Variants in RSRP1 observed in about 807,000 individuals in gnomAD.
The protein encoded by RSRP1 is arginine and serine rich protein 1.
In RSRP1, 37 loss-of-function variants were observed where a neutral mutation model predicts 33.0. The ratio of observed to expected loss-of-function variants is 1.12; its 90% confidence interval spans 0.86 to 1.48. The LOEUF (loss-of-function observed/expected upper bound fraction) is 1.48. Among genes scored for constraint, RSRP1 ranks in the 40% most tolerant of loss-of-function variants. RSRP1 has a pLI of 0.00. For synonymous variants in RSRP1, 167 were observed against 158.7 expected, an observed-to-expected ratio of 1.05 and a Z score of -0.40; for missense variants, 402 against 385.3, an observed-to-expected ratio of 1.04 and a Z score of -0.36.
At chr1:25,337,786 A>G (rs1249405488) in intron 1 of RSRP1, 1 of 151,592 alleles carries the variant, frequency 6.6e-6, no homozygotes, top group Non-Finnish European at 1.5e-5. Context: ...AAGTCCCATA[A>G]GTGGGTCACC....
Position 25,315,787 on chromosome 1 carries a change from C to T in RSRP1, c.-67+22191G>A, listed in dbSNP as rs1232018448. On this transcript the variant is annotated intron_variant, in intron 1 of 1. Coordinates refer to the RSRP1 transcript ENST00000561867. ...TGGGGATTACAGGTGTGAGCCACCA[C>T]ACCCGGCCTTAATTTATTTTTCTAG... Among the ~76,000 whole-genome samples the T allele has an allele frequency of 5.3e-5, 7 of 131,070 alleles. 1 individual carries two copies. The highest frequency in any genetic ancestry group is 1.8e-4 in the African/African-American group (7 of 37,992). 86.0% of individuals were successfully genotyped at this position (131,070 alleles called of 152,430 possible).
chr1:25,320,283 T>C lies in RSRP1; in HGVS notation c.-67+17695A>G, dbSNP rs1225986142. 3.0e-5 allele frequency among the ~76,000 whole-genome samples: 4 copies of C among 131,990 alleles called. 1 individual carries two copies. The highest frequency in any genetic ancestry group is 7.7e-5 in the African/African-American group (3 of 38,770). The allele number at this position is 131,990 out of a possible 152,430, so 86.6% of individuals were successfully genotyped here. A position where few individuals can be genotyped will look rare whatever the true frequency, so the allele number is the denominator to read the frequency against. On this transcript the variant is annotated intron_variant, in intron 1 of 1. Coordinates refer to the RSRP1 transcript ENST00000561867. ...CAACAACCCTCCACAGCTACACACCTTTTCCACGTTATATGGCACGTTATA... is the reference window on the plus strand; with the variant it reads ...CAACAACCCTCCACAGCTACACACCCTTTCCACGTTATATGGCACGTTATA...
chr1:25,271,301 T>A lies in RSRP1; in HGVS notation c.-66-24272A>T, dbSNP rs1295261847. 1.5e-5 allele frequency among the ~76,000 whole-genome samples: 2 copies of A among 130,700 alleles called. 1 individual carries two copies. The highest frequency in any genetic ancestry group is 4.7e-4 in the South Asian group (2 of 4,294). The allele number at this position is 130,700 out of a possible 152,430, so 85.7% of individuals were successfully genotyped here. On this transcript the variant is annotated intron_variant, in intron 1 of 1. Coordinates refer to the RSRP1 transcript ENST00000561867. ...ATTCGACTGGGTGATTAAAATCTCCTCTGATCTACATAGGAATTGTTTTCA... is the reference window on the plus strand; with the variant it reads ...ATTCGACTGGGTGATTAAAATCTCCACTGATCTACATAGGAATTGTTTTCA...
exon 1 of RSRP1, chr1:25,338,081 G>A (rs996299877): frequency 6.6e-6 from 1 of 152,256 alleles, no homozygotes; most frequent in Admixed American, 6.5e-5. Flanking sequence ...CACTCAAGAC[G>A]GGTACGAAGG....
At position 25,246,542 on chromosome 1, in the gene RSRP1, C is replaced by A. The variant is rs1362914639; in HGVS notation, c.422G>T (p.Gly141Val). 6.2e-7 allele frequency: 1 copy of A among 1,614,146 alleles called. No homozygotes were observed. The highest frequency in any genetic ancestry group is 8.5e-7 in the Non-Finnish European group (1 of 1,180,056). ...CTCCGGGTACACTGTGCGACCAAAG[C>A]CGTAGTAGCGCTGTCCCCGCGCGAT... ...YAIARGQRYYGFGRTVYPEEH... is the reference protein window; with the variant it reads ...YAIARGQRYYVFGRTVYPEEH... Residue 141 changes from glycine (G) to valine (V), a missense_variant, in exon 2 of 5, where the codon GGC becomes GTC. Transcript: ENST00000243189.
chr1:25,270,388 G>A lies in RSRP1; in HGVS notation c.-66-23359C>T, dbSNP rs377342236. On this transcript the variant is annotated intron_variant, in intron 1 of 1. Coordinates refer to the RSRP1 transcript ENST00000561867. The stretch of plus-strand genomic sequence containing the variant: ...GAGGGATAGGCCAGCGAGCACTACC[G>A]CCTGAGCTCCGCCTCCTGTCAGATC... 1.1e-3 allele frequency among the ~76,000 whole-genome samples: 138 copies of A among 130,830 alleles called. 16 individuals carry two copies. The highest frequency in any genetic ancestry group is 3.6e-3 in the African/African-American group (137 of 37,826). 85.8% of individuals were successfully genotyped at this position (130,830 alleles called of 152,430 possible).
intron 1 of RSRP1, among the ~76,000 whole-genome samples, chr1:25,279,803 A>G (rs920652292): frequency 7.7e-6 from 1 of 130,264 alleles, no homozygotes; most frequent in South Asian, 2.3e-4. Context: ...TTTCCGTAGA[A>G]TGTACAATTC....
At chr1:25,243,098 CA>C (rs796504072) in intron 4 of RSRP1, among the ~76,000 whole-genome samples, 11 of 143,672 alleles carry the variant, frequency 7.7e-5, no homozygotes, top group Non-Finnish European at 9.2e-5. Flanking sequence ...TGTCTCAAAA[CA>C]AAAAAAAAAG....
upstream of RSRP1, among the ~76,000 whole-genome samples, chr1:25,249,988 C>G (rs1416431116): frequency 6.6e-6 from 1 of 152,152 alleles, no homozygotes; most frequent in African/African-American, 2.4e-5. Context: ...TTGTGGAGTC[C>G]TTTATTAGCC....
At position 25,317,964 on chromosome 1, in the gene RSRP1, C is replaced by T. The variant is rs1447141881; in HGVS notation, c.-67+20014G>A. On this transcript the variant is annotated intron_variant, in intron 1 of 1. Transcript: ENST00000561867. ...GGGGAAAAGTATGTTTCTGTTCTTG[C>T]AATAAAATAGAACAGCAAAAAATCT... is the stretch of plus-strand genomic sequence containing the variant. 7.7e-5 allele frequency: 10 copies of T among 129,414 alleles called. 3 individuals carry two copies. Among genetic ancestry groups the T allele is most frequent in the African/African-American group, 2.6e-4 (10 of 37,744 alleles). The allele number at this position is 129,414 out of a possible 1,614,324, so 8.0% of individuals were successfully genotyped here.
chr1:25,262,146 C>T (rs1234786109), intron 1 of RSRP1, among the ~76,000 whole-genome samples: 1 of 152,170 alleles, frequency 6.6e-6, no homozygotes, highest in Admixed American at 6.5e-5. Flanking sequence ...CAACTATAGT[C>T]CCTGTTATTA....
chr1:25,318,001 T>A (rs1281483918), intron 1 of RSRP1: 1 of 131,270 alleles, frequency 7.6e-6, no homozygotes, highest in East Asian at 2.0e-4. Context: ...GGGGAGTTGC[T>A]AATTAGCCAG....
At chr1:25,273,344 G>C (rs1168237732) in intron 1 of RSRP1, among the ~76,000 whole-genome samples, 4 of 92,242 alleles carry the variant, frequency 4.3e-5, no homozygotes, top group African/African-American at 1.5e-4. Context: ...GGGTCTCCCT[G>C]TGTTTCCCAG....
rs1644382871 is a variant in RSRP1, at chr1:25,315,338, A to G, written c.-67+22640T>C. Among the ~76,000 whole-genome samples, 2 of 129,376 alleles carry G rather than the reference A, an allele frequency of 1.5e-5. 1 individual carries two copies. The highest frequency in any genetic ancestry group is 3.6e-5 in the Non-Finnish European group (2 of 55,110). 84.9% of individuals were successfully genotyped at this position (129,376 alleles called of 152,430 possible). A position where few individuals can be genotyped will look rare whatever the true frequency, so the allele number is the denominator to read the frequency against. On this transcript the variant is annotated intron_variant, in intron 1 of 1. Transcript: ENST00000561867. ...CTGGGGAGGAAGCAAACTATTGAAG[A>G]TATACAAAGATGGCAAAGATGAGGG...
chr1:25,257,986 T>C (rs1230341328), intron 1 of RSRP1, among the ~76,000 whole-genome samples: 1 of 152,136 alleles, frequency 6.6e-6, no homozygotes, highest in Non-Finnish European at 1.5e-5. Context: ...AGGATCCTCA[T>C]TCATCAGAAA....
chr1:25,254,901 C>T (rs1319274507), intron 1 of RSRP1, among the ~76,000 whole-genome samples: 2 of 152,174 alleles, frequency 1.3e-5, no homozygotes, highest in African/African-American at 4.8e-5. Flanking sequence ...CGATTGGTGC[C>T]TCTGTGTAAC....
rs1202996982 is a variant in RSRP1 at position 25,309,558 on chromosome 1, T to C, written c.-67+28420A>G. Among the ~76,000 whole-genome samples, 4 of 132,182 alleles carry C rather than the reference T, an allele frequency of 3.0e-5. 1 individual carries two copies. In the East Asian group the frequency reaches 7.8e-4, roughly 26 times the overall value. The allele number at this position is 132,182 out of a possible 152,430, so 86.7% of individuals were successfully genotyped here. On this transcript the variant is annotated intron_variant, in intron 1 of 1. Coordinates refer to the RSRP1 transcript ENST00000561867. ...TATTTAAATGTAAAAATAAGTCTATTTGGAGAAAAAAAATTTTAATAGCAT... is the reference window on the plus strand; with the variant it reads ...TATTTAAATGTAAAAATAAGTCTATCTGGAGAAAAAAAATTTTAATAGCAT...
At chr1:25,251,937 C>T (rs554339917), upstream of RSRP1, among the ~76,000 whole-genome samples, 40 of 151,074 alleles carry the variant, frequency 2.6e-4, 1 homozygote, top group Non-Finnish European at 5.6e-4. Flanking sequence ...CTTGCCCAGA[C>T]TGAAGTGCAG....
At position 25,315,750 on chromosome 1, in the gene RSRP1, C is replaced by A. The variant is rs1387524058; in HGVS notation, c.-67+22228G>T. Among the ~76,000 whole-genome samples, 4 of 130,400 alleles carry A rather than the reference C, an allele frequency of 3.1e-5. 1 individual carries two copies. Among genetic ancestry groups the A allele is most frequent in the Non-Finnish European group, 7.2e-5 (4 of 55,462 alleles). 85.5% of individuals were successfully genotyped at this position (130,400 alleles called of 152,430 possible). Reference sequence around the variant, plus strand: ...TGACCTCATGATCTGCCCGCCTCGGCCTCCCAAAGTGTGGGGATTACAGGT... The same window carrying A: ...TGACCTCATGATCTGCCCGCCTCGGACTCCCAAAGTGTGGGGATTACAGGT... On this transcript the variant is annotated intron_variant, in intron 1 of 1. Transcript: ENST00000561867.
Sources: gnomAD v4.1 joint callset for allele counts (sites outside exome capture counted in the v4.1 genomes callset) on GRCh38, gnomAD v4.1.1 for gene constraint, MANE v1.5 for transcripts, NCBI Gene and HGNC (gene_info 2026-07-23, HGNC 2026-07-21) for gene names.